NXF3: variants seen among roughly 807,000 people sequenced by gnomAD.
The protein encoded by NXF3 is TAP-like protein 3.
A neutral mutation model predicts 48.4 loss-of-function variants in NXF3; 34 were observed. The observed-to-expected ratio is 0.70, with a 90% CI of 0.53 to 0.93. The LOEUF is 0.93. Among genes scored for constraint, NXF3 ranks in the 40% least tolerant of loss-of-function variants. The pLI is 0.00. For missense variants in NXF3, 359 were observed against 406.1 expected, an observed-to-expected ratio of 0.88 and a Z score of 1.00; for synonymous variants, 132 against 145.7, an observed-to-expected ratio of 0.91 and a Z score of 0.68.
Position 103,076,276 on chromosome X carries a change from A to T in NXF3, c.*14T>A, listed in dbSNP as rs1163913930. The T allele has an allele frequency of 2.2e-5, 27 of 1,209,132 alleles. No homozygotes were observed. The highest frequency in any genetic ancestry group is 2.8e-5 in the Non-Finnish European group (25 of 894,429). ...GCAAGAACATGAGGAGCTCTGACGT[A>T]GTCACACTGGTTGTTACGAAGGCAG... On this transcript the variant is annotated 3_prime_UTR_variant, in exon 19 of 20. Transcript: ENST00000395065.
At chrX:103,088,827 T>C (rs772471862) in intron 1 of NXF3, 9 of 1,157,720 alleles carry the variant, frequency 7.8e-6, no homozygotes, top group Non-Finnish European at 1.1e-5. Context: ...ATTTGGAAAC[T>C]TGAACAATCT....
chrX:103,078,156 A>G (rs1167857060), intron 17 of NXF3, among the ~76,000 whole-genome samples: 1 of 111,749 alleles, frequency 8.9e-6, no homozygotes, highest in African/African-American at 3.3e-5. Context: ...ATTTTTTTCA[A>G]TACAGGGTCT....
chrX:103,089,333 G>A (rs1258896890), intron 1 of NXF3: 2 of 355,033 alleles, frequency 5.6e-6, no homozygotes, highest in Non-Finnish European at 9.6e-6. Context: ...TTTAAAGCCT[G>A]TATTATTTAA....
At chrX:103,086,111 C>T (rs1039021383) in intron 1 of NXF3, among the ~76,000 whole-genome samples, 4 of 109,022 alleles carry the variant, frequency 3.7e-5, no homozygotes, top group African/African-American at 1.0e-4. Flanking sequence ...CGTGCCCGGC[C>T]TCTACAAAAT....
rs1396405052 is a variant in NXF3, at chrX:103,083,247, G to A, written c.567C>T (p.Gly189=). Residue 189 remains glycine, a synonymous_variant, in exon 6 of 20, where the codon GGC becomes GGT. Transcript: ENST00000395065. The stretch of plus-strand genomic sequence containing the variant: ...GCTCCCTGTGCACAAAGTGGGGTAT[G>A]CCAGCAGGGTTGACAAAGATTGATA... ...EKISIFVNPA[G]IPHFVHRELK... 2 of 1,211,161 alleles carry A rather than the reference G, an allele frequency of 1.7e-6. No homozygotes were observed.
chrX:103,076,505 G>A (rs769628519), intron 18 of NXF3, among the ~76,000 whole-genome samples: 1 of 111,666 alleles, frequency 9.0e-6, no homozygotes, highest in Admixed American at 9.5e-5. Context: ...ATAAATCTTG[G>A]GGTCCCAAAA....
intron 17 of NXF3, 55 bp from the exon 18 acceptor site, chrX:103,077,801 C>A: frequency 8.6e-7 from 1 of 1,168,922 alleles, no homozygotes; most frequent in Non-Finnish European, 1.2e-6. Context: ...TCCCCACCCG[C>A]TACAAGGATC....
intron 18 of NXF3, among the ~76,000 whole-genome samples, chrX:103,077,243 C>CTTTTTATTT (rs1367088598): frequency 4.8e-5 from 3 of 62,611 alleles, no homozygotes; most frequent in African/African-American, 8.7e-5. Context: ...GCACTCACTT[C>CTTTTTATTT]TTTTTTTTTT....
intron 9 of NXF3, 66 bp from the exon 10 acceptor site, chrX:103,080,678 G>A (rs6621595): frequency 0.01 from 10,703 of 1,027,558 alleles, 52 homozygotes; most frequent in East Asian, 0.033. Context: ...CCTCATGGGA[G>A]CAATCACACC....
chrX:103,080,621 A>T lies in NXF3; in HGVS notation c.891-9T>A, dbSNP rs764557995. ...ACAATTCCAGGATGGAGCTGCCGAAAATCAAAACAAAATGGACAACGGTAA... is the reference window on the plus strand; with the variant it reads ...ACAATTCCAGGATGGAGCTGCCGAATATCAAAACAAAATGGACAACGGTAA... On this transcript the variant is annotated splice_polypyrimidine_tract_variant and intron_variant, in intron 9 of 19. Coordinates refer to ENST00000395065, the MANE Select transcript of NXF3 (RefSeq NM_022052.2). 2 of 1,207,252 alleles carry T rather than the reference A, an allele frequency of 1.7e-6. No individual in the cohort carries two copies. Among genetic ancestry groups the T allele is most frequent in the Non-Finnish European group, 2.2e-6 (2 of 892,214 alleles).
chrX:103,091,578 A>AG (rs917006931), intron 1 of NXF3, among the ~76,000 whole-genome samples: 1 of 103,007 alleles, frequency 9.7e-6, no homozygotes, highest in Non-Finnish European at 2.0e-5. Flanking sequence ...TGGGCAGGGT[A>AG]GGGGGGGTCC....
At chrX:103,076,622 C>T (rs1319181428) in intron 18 of NXF3, among the ~76,000 whole-genome samples, 2 of 111,145 alleles carry the variant, frequency 1.8e-5, no homozygotes, top group Non-Finnish European at 3.8e-5. Flanking sequence ...TACACGCCTC[C>T]CCCATATTTT....
chrX:103,076,220 GC>G lies in NXF3; in HGVS notation c.*49+20del, dbSNP rs1477517258. The G allele has an allele frequency of 2.0e-5, 23 of 1,144,310 alleles. No individual in the cohort carries two copies. The highest frequency in any genetic ancestry group is 2.8e-5 in the Non-Finnish European group (23 of 836,132). The allele number at this position is 1,144,310 out of a possible 1,213,427, so 94.3% of individuals were successfully genotyped here. A position where few individuals can be genotyped will look rare whatever the true frequency, so the allele number is the denominator to read the frequency against. On this transcript the variant is annotated intron_variant, in intron 19 of 19. Transcript: ENST00000395065. ...AGGCCACCCAACCTCTGCTCACTTG[GC>G]CTGAATTCCTAGACCTCACCTTGGG...
intron 9 of NXF3, 188 bp from the exon 10 acceptor site, chrX:103,080,800 C>A (rs1343813398): frequency 2.2e-6 from 1 of 449,979 alleles, no homozygotes; most frequent in African/African-American, 2.5e-5. Context: ...CTCCCTCCAT[C>A]CCTCTCTCAC....
chrX:103,084,400 T>C lies in NXF3; in HGVS notation c.293A>G (p.Glu98Gly). 1 of 1,211,710 alleles carries C rather than the reference T, an allele frequency of 8.3e-7. No individual in the cohort carries two copies. Among genetic ancestry groups the C allele is most frequent in the Non-Finnish European group, 1.1e-6 (1 of 895,382 alleles). Residue 98 changes from glutamate to glycine, a missense_variant, in exon 3 of 20, where the codon GAG (glutamate) becomes GGG (glycine). By Grantham distance (98) the Glu-to-Gly change is moderately conservative (BLOSUM62 -2). Transcript: ENST00000395065. ...CGGCATGTTCCCCTCCATTCTTCTC[T>C]CTGGAGGTTTTTGCTCTCTCTCCAT... ...VNMEREQKPP[E>G]RRMEGNMPDG...
Position 103,084,420 on chromosome X carries a change from C to G in NXF3, c.273G>C (p.Glu91Asp). The change falls in exon 3 of 20, where the codon GAG (glutamate) becomes GAC (aspartate). Residue 91 changes from glutamate to aspartate, a missense_variant. Glu to Asp is a conservative substitution (Grantham distance 45). Coordinates refer to ENST00000395065, the MANE Select transcript of NXF3 (RefSeq NM_022052.2). The stretch of plus-strand genomic sequence containing the variant: ...TTCTCTCTGGAGGTTTTTGCTCTCT[C>G]TCCATGTTAACGTGGGTTTGGTCTT... ...RKQDQTHVNM[E>D]REQKPPERRM... 8.3e-7 allele frequency: 1 copy of G among 1,211,641 alleles called. No individual in the cohort carries two copies. The highest frequency in any genetic ancestry group is 3.0e-5 in the East Asian group (1 of 33,828).
At position 103,078,551 on chromosome X, in the gene NXF3, A is replaced by G; in HGVS notation, c.1451+9T>C. Reference sequence around the variant, plus strand: ...GGATGGGTGCTCCCACCCACAACACAGCACTAACCTGGAACTGCTGCCAGG... The same window carrying G: ...GGATGGGTGCTCCCACCCACAACACGGCACTAACCTGGAACTGCTGCCAGG... On this transcript the variant is annotated intron_variant, in intron 17 of 19. Coordinates refer to ENST00000395065, the MANE Select transcript of NXF3 (RefSeq NM_022052.2). 8.2e-7 allele frequency: 1 copy of G among 1,212,227 alleles called. No individual in the cohort carries two copies. Among genetic ancestry groups the G allele is most frequent in the South Asian group, 1.8e-5 (1 of 57,011 alleles).
chrX:103,078,734 G>T, intron 16 of NXF3, 102 bp from the exon 17 acceptor site: 1 of 1,133,701 alleles, frequency 8.8e-7, no homozygotes, highest in Non-Finnish European at 1.2e-6. Flanking sequence ...CACAGAAGGG[G>T]GCCAGACCAG....
chrX:103,084,554 T>G (rs1922099866), intron 2 of NXF3, 59 bp from the exon 3 acceptor site: 8 of 1,162,149 alleles, frequency 6.9e-6, no homozygotes, highest in Non-Finnish European at 9.4e-6. Flanking sequence ...TTATACACAT[T>G]TGATCCACTG....
Sources: gnomAD v4.1 joint callset for allele counts (sites outside exome capture counted in the v4.1 genomes callset) on GRCh38, gnomAD v4.1.1 for gene constraint, MANE v1.5 for transcripts, NCBI Gene and HGNC (gene_info 2026-07-23, HGNC 2026-07-21) for gene names.